Variants in DOCK5 observed in about 807,000 individuals in gnomAD.
The protein encoded by DOCK5 is dedicator of cytokinesis protein 5.
Under a neutral mutation model 251.8 loss-of-function variants are expected in DOCK5, and 142 were observed. The ratio of observed to expected loss-of-function variants is 0.56; its 90% CI spans 0.49 to 0.65. The LOEUF (loss-of-function observed/expected upper bound fraction) is 0.65, where lower values mean the gene tolerates loss of function less well. DOCK5 is among the 30% of genes least tolerant of loss of function. The pLI, the probability that DOCK5 is intolerant of heterozygous loss-of-function variation, is 0.00. For synonymous variants in DOCK5, 842 were observed against 835.5 expected (o/e 1.01, Z -0.13); for missense variants, 2,111 against 2,312.3 (o/e 0.91, Z 1.79).
intron 26 of DOCK5, among the ~76,000 whole-genome samples, chr8:25,348,528 T>C (rs1800409056): frequency 6.6e-6 from 1 of 152,156 alleles, no homozygotes; most frequent in African/African-American, 2.4e-5. Flanking sequence ...AGGGAGATTC[T>C]TGTGTTATGC....
chr8:25,260,920 C>T (rs913149459), intron 2 of DOCK5, among the ~76,000 whole-genome samples: 6 of 152,046 alleles, frequency 3.9e-5, no homozygotes, highest in Admixed American at 1.3e-4. Context: ...CTTGGCTTCC[C>T]TAGTAGCTAG....
At chr8:25,185,988 C>T (rs1465003239) in intron 1 of DOCK5, among the ~76,000 whole-genome samples, 1 of 151,858 alleles carries the variant, frequency 6.6e-6, no homozygotes, top group Non-Finnish European at 1.5e-5. Context: ...CTCTCAGATC[C>T]ATTCATTTGG....
chr8:25,368,229 C>T lies in DOCK5; in HGVS notation c.3262C>T (p.Arg1088Trp), dbSNP rs190951623. 19 of 1,612,638 alleles carry T rather than the reference C, an allele frequency of 1.2e-5. No homozygotes were observed. Among genetic ancestry groups the T allele is most frequent in the Admixed American group, 5.0e-5 (3 of 59,864 alleles). Residue 1088 changes from arginine to tryptophan, a missense_variant, in exon 32 of 52, where the codon CGG (arginine) becomes TGG (tryptophan). By Grantham distance (101) the Arg-to-Trp change is moderately radical (BLOSUM62 -3). Coordinates refer to ENST00000276440, the MANE Select transcript of DOCK5 (RefSeq NM_024940.8). ...DMRKEIGFRI[R>W]DMWYNLGPHK... is the part of the protein sequence containing the mutation. ...GAGAAAGGAAATCGGCTTTAGAATC[C>T]GGGACATGTGGTATAACCTGGGTGA...
intron 26 of DOCK5, among the ~76,000 whole-genome samples, chr8:25,346,072 G>A (rs1394227198): frequency 6.6e-6 from 1 of 152,038 alleles, no homozygotes; most frequent in Non-Finnish European, 1.5e-5. Flanking sequence ...GGATAGTCTC[G>A]ATCTCCTGAC....
At chr8:25,232,929 G>A (rs1802706242) in intron 1 of DOCK5, among the ~76,000 whole-genome samples, 1 of 152,060 alleles carries the variant, frequency 6.6e-6, no homozygotes, top group African/African-American at 2.4e-5. Context: ...AATGCCTCTT[G>A]CTCTTTTCCA....
intron 27 of DOCK5, among the ~76,000 whole-genome samples, chr8:25,357,807 A>G (rs536578746): frequency 3.5e-4 from 54 of 152,242 alleles, no homozygotes; most frequent in Non-Finnish European, 7.5e-4. Context: ...CTGTATGTTC[A>G]TCTGTCCTGT....
chr8:25,336,068 G>A (rs1805797101), intron 21 of DOCK5, among the ~76,000 whole-genome samples, 171 bp from the exon 22 acceptor site: 1 of 152,158 alleles, frequency 6.6e-6, no homozygotes, highest in African/African-American at 2.4e-5. Context: ...TGGCAGATGA[G>A]GAAACTTAAT....
At chr8:25,338,211 T>G (rs1805862875) in intron 22 of DOCK5, among the ~76,000 whole-genome samples, 1 of 151,988 alleles carries the variant, frequency 6.6e-6, no homozygotes, top group African/African-American at 2.4e-5. Context: ...CAGCTAATGT[T>G]TATATTTTTT....
chr8:25,300,139 C>T (rs1804725437), intron 8 of DOCK5, among the ~76,000 whole-genome samples: 1 of 152,200 alleles, frequency 6.6e-6, no homozygotes, highest in South Asian at 2.1e-4. Flanking sequence ...CTCCTGACCT[C>T]AGGCGATCCG....
At chr8:25,353,407 A>C (rs1800506767) in intron 27 of DOCK5, among the ~76,000 whole-genome samples, 2 of 152,234 alleles carry the variant, frequency 1.3e-5, no homozygotes, top group East Asian at 3.8e-4. Context: ...AAAAGGATTT[A>C]GATCTTGTAT....
intron 14 of DOCK5, among the ~76,000 whole-genome samples, chr8:25,318,014 A>G (rs1230041745): frequency 6.6e-6 from 1 of 152,166 alleles, no homozygotes; most frequent in African/African-American, 2.4e-5. Flanking sequence ...GAGGGTATCT[A>G]AGTATCCTGA....
intron 2 of DOCK5, among the ~76,000 whole-genome samples, chr8:25,268,272 G>C (rs1313988076): frequency 6.6e-6 from 1 of 152,018 alleles, no homozygotes; most frequent in African/African-American, 2.4e-5. Flanking sequence ...ACCAAGAATT[G>C]CACGTAATTT....
intron 26 of DOCK5, among the ~76,000 whole-genome samples, chr8:25,345,830 T>C (rs1586348339): frequency 6.6e-6 from 1 of 151,362 alleles, no homozygotes; most frequent in Non-Finnish European, 1.5e-5. Flanking sequence ...GCTTGCCCAG[T>C]GTGCGCACTA....
intron 5 of DOCK5, among the ~76,000 whole-genome samples, chr8:25,282,307 G>A (rs1024942114): frequency 6.6e-6 from 1 of 151,198 alleles, no homozygotes; most frequent in African/African-American, 2.4e-5. Context: ...TTACTGAAAC[G>A]TTTCTGTATC....
chr8:25,389,985 G>A (rs1470604986), intron 41 of DOCK5, among the ~76,000 whole-genome samples: 23 of 144,706 alleles, frequency 1.6e-4, no homozygotes, highest in Admixed American at 2.1e-4. Flanking sequence ...ATGTCTGACC[G>A]AAAAAAAAAA....
chr8:25,274,149 T>C (rs960997970), intron 3 of DOCK5, among the ~76,000 whole-genome samples: 1 of 152,200 alleles, frequency 6.6e-6, no homozygotes, highest in African/African-American at 2.4e-5. Context: ...ATATAGCACA[T>C]GCAACTGGAC....
At chr8:25,301,807 T>C (rs1270659387) in intron 9 of DOCK5, among the ~76,000 whole-genome samples, 1 of 152,210 alleles carries the variant, frequency 6.6e-6, no homozygotes, top group Non-Finnish European at 1.5e-5. Flanking sequence ...AAGCTCTCAA[T>C]AGAGACCTCT....
At chr8:25,215,349 G>C (rs1046368388) in intron 1 of DOCK5, among the ~76,000 whole-genome samples, 2 of 152,066 alleles carry the variant, frequency 1.3e-5, no homozygotes, top group African/African-American at 2.4e-5. Context: ...GGGGTGGGGG[G>C]ATGTCTTTTC....
intron 1 of DOCK5, among the ~76,000 whole-genome samples, chr8:25,243,243 C>A (rs547559215): frequency 6.6e-6 from 1 of 152,118 alleles, no homozygotes; most frequent in South Asian, 2.1e-4. Flanking sequence ...AAATGAGGAT[C>A]CATTTCTGTG....
Sources: gnomAD v4.1 joint callset for allele counts (sites outside exome capture counted in the v4.1 genomes callset) on GRCh38, gnomAD v4.1.1 for gene constraint, MANE v1.5 for transcripts, NCBI Gene and HGNC (gene_info 2026-07-23, HGNC 2026-07-21) for gene names.